The following CTNNA2 variants were observed in gnomAD, a reference collection of about 807,000 sequenced individuals.
The protein encoded by CTNNA2 is catenin alpha 2, also known as catenin alpha-2.
In CTNNA2, 42 loss-of-function variants were observed where a neutral mutation model predicts 101.0. That is an observed-to-expected ratio of 0.42 (90% CI 0.32 to 0.54). The LOEUF (loss-of-function observed/expected upper bound fraction) is 0.54, where lower values mean the gene tolerates loss of function less well. Among genes scored for constraint, CTNNA2 ranks in the 20% least tolerant of loss-of-function variants. CTNNA2 has a pLI of 0.14. For synonymous variants in CTNNA2, 450 were observed against 456.4 expected, an observed-to-expected ratio of 0.99 and a Z score of 0.18; for missense variants, 871 against 1,223.1, an observed-to-expected ratio of 0.71 and a Z score of 4.29.
At chr2:79,657,806 C>G (rs943329721) in intron 2 of CTNNA2, among the ~76,000 whole-genome samples, 1 of 151,554 alleles carries the variant, frequency 6.6e-6, no homozygotes, top group Non-Finnish European at 1.5e-5. Flanking sequence ...AATAAAAATA[C>G]TTTAGTATAT....
intron 4 of CTNNA2, among the ~76,000 whole-genome samples, chr2:79,442,771 C>T (rs1678790135): frequency 6.6e-6 from 1 of 152,040 alleles, no homozygotes; most frequent in Non-Finnish European, 1.5e-5. Flanking sequence ...GTACTGGGAC[C>T]CTATTGATTA....
chr2:80,303,706 C>A lies in CTNNA2; in HGVS notation c.1057-89505C>A. ...CCTCGCACCGGCACAGCTGCGGGCA[C>A]CCGCTGGGGGCGGCGGGCAGCATCT... On this transcript the variant is annotated intron_variant, in intron 7 of 18. Coordinates refer to ENST00000402739, the MANE Select transcript of CTNNA2 (RefSeq NM_001282597.3). This position sits in a 1 kb window ranked among gnomAD's most constrained non-coding sequence, Gnocchi z 7.7. 6.2e-7 allele frequency: 1 copy of A among 1,609,326 alleles called. No homozygotes were observed. Among genetic ancestry groups the A allele is most frequent in the Non-Finnish European group, 8.5e-7 (1 of 1,177,588 alleles).
chr2:79,323,048 G>A (rs1453643981), intron 3 of CTNNA2, among the ~76,000 whole-genome samples: 1 of 152,162 alleles, frequency 6.6e-6, no homozygotes, highest in Non-Finnish European at 1.5e-5. Context: ...GAGGAGCAGT[G>A]TAGAGGATAA....
chr2:79,752,501 T>C (rs1264617299), intron 3 of CTNNA2, among the ~76,000 whole-genome samples: 4 of 152,118 alleles, frequency 2.6e-5, no homozygotes, highest in African/African-American at 9.7e-5. Flanking sequence ...AAAGAAAGAA[T>C]CCATCCTGAA....
chr2:79,780,234 G>A (rs1237287251), intron 3 of CTNNA2, among the ~76,000 whole-genome samples: 1 of 152,160 alleles, frequency 6.6e-6, no homozygotes, highest in Non-Finnish European at 1.5e-5. Context: ...TCCCTAAAAT[G>A]TATAAAACCA....
intron 15 of CTNNA2, among the ~76,000 whole-genome samples, chr2:80,594,023 C>A (rs961386874): frequency 6.6e-6 from 1 of 152,180 alleles, no homozygotes; most frequent in Admixed American, 6.5e-5. Flanking sequence ...TATAGTAATT[C>A]TTTTAAATGT....
intron 2 of CTNNA2, among the ~76,000 whole-genome samples, chr2:79,692,912 T>G: frequency 6.6e-6 from 1 of 151,594 alleles, no homozygotes; most frequent in Non-Finnish European, 1.5e-5. Context: ...TTAGCAGAAA[T>G]ACCTAATGTA....
intron 7 of CTNNA2, among the ~76,000 whole-genome samples, chr2:80,202,597 A>G (rs1377384972): frequency 6.6e-6 from 1 of 152,186 alleles, no homozygotes; most frequent in African/African-American, 2.4e-5. Flanking sequence ...TAATATTTCC[A>G]TTAAGAAAAT....
chr2:80,071,369 T>A (rs1698330014), intron 7 of CTNNA2, among the ~76,000 whole-genome samples: 1 of 152,230 alleles, frequency 6.6e-6, no homozygotes, highest in African/African-American at 2.4e-5. Context: ...CTGTTGAATG[T>A]CTTCCTTTGA....
intron 3 of CTNNA2, among the ~76,000 whole-genome samples, chr2:79,318,399 A>T (rs1290034801): frequency 6.6e-6 from 1 of 152,184 alleles, no homozygotes; most frequent in African/African-American, 2.4e-5. Flanking sequence ...ATATGCATTG[A>T]CTTGTTCTTA....
At chr2:79,414,365 C>G (rs149578218) in intron 4 of CTNNA2, among the ~76,000 whole-genome samples, 1 of 151,886 alleles carries the variant, frequency 6.6e-6, no homozygotes, top group South Asian at 2.1e-4. Flanking sequence ...GATCAAAAAA[C>G]GAGGAGTAAT....
chr2:80,149,225 C>T (rs1188135569), intron 7 of CTNNA2, among the ~76,000 whole-genome samples: 1 of 151,944 alleles, frequency 6.6e-6, no homozygotes, highest in African/African-American at 2.4e-5. Flanking sequence ...TTTGTAGAGA[C>T]AGGGTCTTTT....
intron 7 of CTNNA2, among the ~76,000 whole-genome samples, chr2:80,097,171 T>G (rs998121101): frequency 6.6e-6 from 1 of 152,192 alleles, no homozygotes; most frequent in Non-Finnish European, 1.5e-5. Context: ...TGTTTAGTGC[T>G]TCCTTCATGA....
At chr2:79,508,879 T>C (rs1216584275), upstream of CTNNA2, among the ~76,000 whole-genome samples, 3 of 148,460 alleles carry the variant, frequency 2.0e-5, no homozygotes, top group Non-Finnish European at 3.0e-5. Context: ...AAGCAAAAGA[T>C]AAAACAATTA....
intron 1 of CTNNA2, among the ~76,000 whole-genome samples, chr2:79,186,229 AAATC>A (rs1673777326): frequency 6.6e-6 from 1 of 152,184 alleles, no homozygotes; most frequent in African/African-American, 2.4e-5. Context: ...TCATCTTTGA[AAATC>A]TAAATACCAA....
At chr2:80,471,558 C>A (rs1007271826) in intron 9 of CTNNA2, among the ~76,000 whole-genome samples, 1 of 152,092 alleles carries the variant, frequency 6.6e-6, no homozygotes, top group Non-Finnish European at 1.5e-5. Flanking sequence ...GAGGAAGGAA[C>A]CAAGAAGAGG....
At chr2:79,913,154 A>C (rs1478776797) in intron 7 of CTNNA2, among the ~76,000 whole-genome samples, 1 of 152,198 alleles carries the variant, frequency 6.6e-6, no homozygotes, top group Non-Finnish European at 1.5e-5. Flanking sequence ...TCAGATAGTG[A>C]TATATGCAAA....
intron 9 of CTNNA2, among the ~76,000 whole-genome samples, chr2:80,481,028 A>C (rs1242869413): frequency 6.6e-6 from 1 of 152,148 alleles, no homozygotes; most frequent in African/African-American, 2.4e-5. Flanking sequence ...GCAAAATGCA[A>C]TGTCCATCCA....
chr2:80,443,988 T>C (rs1396898263), intron 9 of CTNNA2, among the ~76,000 whole-genome samples: 1 of 152,114 alleles, frequency 6.6e-6, no homozygotes, highest in Non-Finnish European at 1.5e-5. Flanking sequence ...AATCATGACA[T>C]GAATAGGTTA....
Sources: gnomAD v4.1 joint callset for allele counts (sites outside exome capture counted in the v4.1 genomes callset) on GRCh38, gnomAD v4.1.1 for gene constraint, Gnocchi (gnomAD v3.1) non-coding constraint, MANE v1.5 for transcripts, NCBI Gene and HGNC (gene_info 2026-07-23, HGNC 2026-07-21) for gene names.